Variants in OTOF observed in about 807,000 individuals in gnomAD.
OTOF encodes the protein fer-1-like family member 2.
OTOF carries 218 observed loss-of-function variants against 236.8 expected under a neutral mutation model. The observed-to-expected ratio is 0.92, with a 90% confidence interval of 0.82 to 1.03. The LOEUF (loss-of-function observed/expected upper bound fraction) is 1.03. OTOF is among the 50% of genes least tolerant of loss of function. The pLI is 0.00. For missense variants in OTOF, 2,590 were observed against 2,694.4 expected (o/e 0.96, Z 0.86); for synonymous variants, 1,041 against 1,072.5 (o/e 0.97, Z 0.57).
At chr2:26,507,534 G>A (rs1011396176) in intron 5 of OTOF, among the ~76,000 whole-genome samples, 7 of 152,316 alleles carry the variant, frequency 4.6e-5, no homozygotes, top group Admixed American at 2.0e-4. Context: ...TGAGGTGTCC[G>A]TTGTCCTGGC....
At position 26,464,916 on chromosome 2, in the gene OTOF, A is replaced by G; in HGVS notation, c.4913T>C (p.Val1638Ala). The G allele has an allele frequency of 6.3e-7, 1 of 1,595,150 alleles. No individual in the cohort carries two copies. Among genetic ancestry groups the G allele is most frequent in the Non-Finnish European group, 8.5e-7 (1 of 1,170,326 alleles). ...PHFGPPGRVK[V>A]ANRVFTGPSE... is the part of the protein sequence containing the mutation. ...GGGCCCAGTGAAGACGCGGTTGGCC[A>G]CCTTCACTCTCCCAGGGGGCCCAAA... Residue 1638 changes from valine (V) to alanine (A), a missense_variant, in exon 39 of 47, where the codon GTG (valine) becomes GCG (alanine). Val to Ala is a moderately conservative substitution (Grantham distance 64). This residue lies in a region of OTOF where 1,211 missense variants were observed against 1,352.8 expected (regional missense o/e 0.90). Transcript: ENST00000272371.
Position 26,479,396 on chromosome 2 carries a change from A to G in OTOF, c.2094-12T>C, listed in dbSNP as rs1257885776. ...GATGGAAGTAGTTCCTGGGGTGGGC[A>G]GAGGCGGGAGGTGAGGTCTTGGGGG... On this transcript the variant is annotated splice_polypyrimidine_tract_variant and intron_variant, in intron 17 of 46. Transcript: ENST00000272371. 6.2e-7 allele frequency: 1 copy of G among 1,611,914 alleles called. No individual in the cohort carries two copies. The highest frequency in any genetic ancestry group is 1.7e-5 in the Admixed American group (1 of 59,836).
At position 26,476,872 on chromosome 2, in the gene OTOF, A is replaced by C. The variant is rs1665323751; in HGVS notation, c.2676+19T>G. On this transcript the variant is annotated intron_variant, in intron 22 of 46. Transcript: ENST00000272371. ...CCTGAAAGGACCCAGGCCCCCATCC[A>C]TCCTGCCCCCTCCAGCACCTTAAGG... 2 of 1,604,222 alleles carry C rather than the reference A, an allele frequency of 1.2e-6. No homozygotes were observed. The highest frequency in any genetic ancestry group is 4.5e-5 in the East Asian group (2 of 44,764).
intron 32 of OTOF, among the ~76,000 whole-genome samples, chr2:26,469,647 TGAC>T (rs1664889781): frequency 6.6e-6 from 1 of 152,194 alleles, no homozygotes; most frequent in Non-Finnish European, 1.5e-5. Flanking sequence ...CTTACAGATG[TGAC>T]AAACAAGAGG....
chr2:26,474,808 C>A, intron 25 of OTOF, 134 bp from the exon 26 acceptor site: 2 of 996,270 alleles, frequency 2.0e-6, no homozygotes, highest in South Asian at 1.4e-5. Flanking sequence ...ATGAGGAAAC[C>A]AAGTCTCAGG....
chr2:26,463,654 T>C, intron 40 of OTOF, 83 bp from the exon 41 acceptor site: 1 of 1,196,842 alleles, frequency 8.4e-7, no homozygotes, highest in Non-Finnish European at 1.2e-6. Context: ...TCCTAACCTT[T>C]GTTCTGTCAA....
At chr2:26,494,514 T>C (rs1310252551) in intron 9 of OTOF, among the ~76,000 whole-genome samples, 1 of 152,216 alleles carries the variant, frequency 6.6e-6, no homozygotes, top group Non-Finnish European at 1.5e-5. Context: ...GATGGTCCAG[T>C]TCAGAAGCAT....
At position 26,461,509 on chromosome 2, in the gene OTOF, A is replaced by C. The variant is rs1664459810; in HGVS notation, c.5533+187T>G. On this transcript the variant is annotated intron_variant, in intron 43 of 46. Transcript: ENST00000272371. This position sits in a 1 kb window ranked among gnomAD's most constrained non-coding sequence, Gnocchi z 6.2. ...TGTCAGCCTGGTTATGACACTGAGA[A>C]CATCTGCCTAGGGACGGTTAGGTGG... 6.6e-6 allele frequency among the ~76,000 whole-genome samples: 1 copy of C among 151,880 alleles called. No individual in the cohort carries two copies. Among genetic ancestry groups the C allele is most frequent in the Non-Finnish European group, 1.5e-5 (1 of 67,962 alleles).
chr2:26,477,189 G>A lies in OTOF; in HGVS notation c.2506C>T (p.Arg836Cys), dbSNP rs765370326. 4.7e-5 allele frequency: 76 copies of A among 1,610,228 alleles called. No homozygotes were observed. Among genetic ancestry groups the A allele is most frequent in the Non-Finnish European group, 5.5e-5 (65 of 1,179,480 alleles). ...RLCQNFLQKLRFLADEPQHSI... is the reference protein window; with the variant it reads ...RLCQNFLQKLCFLADEPQHSI... ...GGCCGCACCTCGTCCGCCAGGAAGC[G>A]CAGCTTCTGCAGGAAGTTCTGGCAC... Residue 836 changes from arginine to cysteine, a missense_variant, in exon 21 of 47, where the codon CGC (arginine) becomes TGC (cysteine). This residue lies in a region of OTOF where 1,379 missense variants were observed against 1,341.6 expected (regional missense o/e 1.03). Coordinates refer to ENST00000272371, the MANE Select transcript of OTOF (RefSeq NM_194248.3). The surrounding 1 kb of genome is among the most constrained non-coding windows in gnomAD (Gnocchi z 4.7).
intron 2 of OTOF, among the ~76,000 whole-genome samples, chr2:26,534,538 G>A (rs1187791876): frequency 6.6e-6 from 1 of 152,196 alleles, no homozygotes; most frequent in Non-Finnish European, 1.5e-5. Context: ...AGGTTCCTAA[G>A]CCCAGCTGCT....
At position 26,479,778 on chromosome 2, in the gene OTOF, G is replaced by A. The variant is rs761392615; in HGVS notation, c.1913-125C>T. 386 of 883,738 alleles carry A rather than the reference G, an allele frequency of 4.4e-4. 1 individual carries two copies. The highest frequency in any genetic ancestry group is 6.4e-4 in the Non-Finnish European group (360 of 560,524). The allele number at this position is 883,738 out of a possible 1,614,324, so 54.7% of individuals were successfully genotyped here. ...GAGAGTCAGGGAATGGGGCTCAGACGTGACACATCATTAGCCAGAGAGCAT... is the reference window on the plus strand; with the variant it reads ...GAGAGTCAGGGAATGGGGCTCAGACATGACACATCATTAGCCAGAGAGCAT... On this transcript the variant is annotated intron_variant, in intron 16 of 46. Transcript: ENST00000272371.
intron 9 of OTOF, among the ~76,000 whole-genome samples, chr2:26,490,436 G>T (rs115217079): frequency 5.5e-4 from 84 of 152,316 alleles, no homozygotes; most frequent in African/African-American, 2.0e-3. Context: ...TTGGTGCTGT[G>T]GGCTGCCATG....
chr2:26,470,746 C>T lies in OTOF; in HGVS notation c.3895-25G>A, dbSNP rs1162581383. ...CCTGCAGGTTGGCCAGGTCCAGAGTCCTACATGGACTCCTCCTGCCTGGAC... is the reference window on the plus strand; with the variant it reads ...CCTGCAGGTTGGCCAGGTCCAGAGTTCTACATGGACTCCTCCTGCCTGGAC... On this transcript the variant is annotated intron_variant, in intron 31 of 46. Transcript: ENST00000272371. This position sits in a 1 kb window ranked among gnomAD's most constrained non-coding sequence, Gnocchi z 4.3. 3.7e-6 allele frequency: 6 copies of T among 1,609,870 alleles called. No homozygotes were observed. Among genetic ancestry groups the T allele is most frequent in the Non-Finnish European group, 5.1e-6 (6 of 1,179,490 alleles).
chr2:26,470,456 A>T lies in OTOF; in HGVS notation c.4023+137T>A. 1 of 851,828 alleles carries T rather than the reference A, an allele frequency of 1.2e-6. No individual in the cohort carries two copies. The highest frequency in any genetic ancestry group is 2.0e-6 in the Non-Finnish European group (1 of 506,972). 52.8% of individuals were successfully genotyped at this position (851,828 alleles called of 1,614,324 possible). On this transcript the variant is annotated intron_variant, in intron 32 of 46. Transcript: ENST00000272371. The surrounding 1 kb of genome is among the most constrained non-coding windows in gnomAD (Gnocchi z 4.3). ...AGGTGAGTTCTGAGCTAGGATTTCA[A>T]GGATGTGAGACAAAACCATCCCAAA...
In OTOF at chr2:26,480,833, T is replaced by C. The variant is rs1406184386; in HGVS notation, c.1756A>G (p.Thr586Ala). The C allele has an allele frequency of 6.2e-7, 1 of 1,612,662 alleles. No individual in the cohort carries two copies. The highest frequency in any genetic ancestry group is 1.3e-5 in the African/African-American group (1 of 74,918). The stretch of plus-strand genomic sequence containing the variant: ...TCCACCTGCACCTCTGTGGAGCTGG[T>C]GAGCTCAGGGTTGGAGGTGTCTACG... The part of the protein sequence containing the change: ...EIVDTSNPEL[T>A]SSTEVQVEQA... Residue 586 changes from threonine (T) to alanine (A), a missense_variant, in exon 15 of 47, where the codon ACC becomes GCC. Physicochemically the swap from Thr to Ala is moderately conservative, Grantham distance 58 (BLOSUM62 0). Coordinates refer to ENST00000272371, the MANE Select transcript of OTOF (RefSeq NM_194248.3).
chr2:26,502,697 A>G (rs562794256), intron 6 of OTOF, among the ~76,000 whole-genome samples: 1 of 152,274 alleles, frequency 6.6e-6, no homozygotes, highest in East Asian at 1.9e-4. Flanking sequence ...AATATCTCTT[A>G]TGGAAGAAGG....
Position 26,473,912 on chromosome 2 carries a change from G to A in OTOF, c.3408+79C>T, listed in dbSNP as rs1665121108. 6.4e-7 allele frequency: 1 copy of A among 1,568,950 alleles called. No individual in the cohort carries two copies. On this transcript the variant is annotated intron_variant, in intron 27 of 46. Transcript: ENST00000272371. The surrounding 1 kb of genome is among the most constrained non-coding windows in gnomAD (Gnocchi z 7.2). ...CTGGCTCCTGGTGATGGTGGTGGGA[G>A]GGGGATGACAAGCCACTTCCCCTCC...
chr2:26,465,869 C>T, intron 37 of OTOF, 27 bp from the exon 38 acceptor site: 1 of 1,614,176 alleles, frequency 6.2e-7, no homozygotes, highest in South Asian at 1.1e-5. Context: ...AGGAGAAGGG[C>T]TTAAGGATTG....
chr2:26,526,912 A>G (rs1256232580), intron 3 of OTOF, among the ~76,000 whole-genome samples: 2 of 152,112 alleles, frequency 1.3e-5, no homozygotes, highest in Admixed American at 6.5e-5. Flanking sequence ...GCTAGCCTCA[A>G]ATTACTGGGA....
Sources: allele counts gnomAD v4.1 joint callset (sites outside exome capture counted in the v4.1 genomes callset), GRCh38; gene constraint gnomAD v4.1.1; regional missense constraint gnomAD v4.1.1; non-coding constraint Gnocchi (gnomAD v3.1); transcripts MANE v1.5; gene names NCBI Gene and HGNC (gene_info 2026-07-23, HGNC 2026-07-21).